Variants in MYO18B observed in about 807,000 individuals in gnomAD.
The protein encoded by MYO18B is unconventional myosin-XVIIIb.
Under a neutral mutation model 273.0 loss-of-function variants are expected in MYO18B, and 204 were observed. That is an observed-to-expected ratio of 0.75 (90% CI 0.67 to 0.84). The LOEUF is 0.84. MYO18B is among the 40% of genes least tolerant of loss of function. The pLI is 0.00. For synonymous variants in MYO18B, 1,330 were observed against 1,305.7 expected (o/e 1.02, Z -0.40); for missense variants, 3,212 against 3,287.6 (o/e 0.98, Z 0.56).
At chr22:26,023,464 C>T (rs1935981788) in intron 42 of MYO18B, among the ~76,000 whole-genome samples, 6 of 128,616 alleles carry the variant, frequency 4.7e-5, no homozygotes. Context: ...GTTTTTGGCT[C>T]ATCTTCCTCC....
chr22:25,902,522 C>T (rs909485057), intron 29 of MYO18B, 91 bp from the exon 30 acceptor site: 12 of 1,380,882 alleles, frequency 8.7e-6, no homozygotes, highest in East Asian at 5.0e-5. Flanking sequence ...GGGAAACTAG[C>T]GGCCTCTCTG....
intron 3 of MYO18B, among the ~76,000 whole-genome samples, chr22:25,764,746 G>A (rs1021990556): frequency 1.3e-5 from 2 of 152,228 alleles, no homozygotes; most frequent in Non-Finnish European, 2.9e-5. Flanking sequence ...GCAGGCTGTT[G>A]TTAGGTTATG....
At chr22:25,881,755 T>C (rs1317240948) in intron 25 of MYO18B, among the ~76,000 whole-genome samples, 7 of 152,172 alleles carry the variant, frequency 4.6e-5, no homozygotes, top group Admixed American at 4.6e-4. Flanking sequence ...AATATTCTAC[T>C]CAGCCTCTTT....
rs151143403 is a variant in MYO18B at position 25,978,316 on chromosome 22, A to G, written c.6157-14047A>G. Among the ~76,000 whole-genome samples, 210 of 152,272 alleles carry G rather than the reference A, an allele frequency of 1.4e-3. 5 individuals carry two copies. In the South Asian group the frequency reaches 0.028, roughly 20 times the overall value. On this transcript the variant is annotated intron_variant, in intron 39 of 43. Transcript: ENST00000335473. ...GGATGAGTAGAAGTTCACTTGTCAG[A>G]GAAGGGATAAGGCAGAGTAGAGCAT...
At chr22:25,893,562 AG>A (rs956050563) in intron 27 of MYO18B, among the ~76,000 whole-genome samples, 2 of 152,320 alleles carry the variant, frequency 1.3e-5, no homozygotes, top group African/African-American at 4.8e-5. Flanking sequence ...TTACTTTTGC[AG>A]TCCATGCTGC....
At chr22:25,997,719 CT>C (rs1368754749) in intron 40 of MYO18B, among the ~76,000 whole-genome samples, 3 of 152,102 alleles carry the variant, frequency 2.0e-5, no homozygotes, top group African/African-American at 7.2e-5. Flanking sequence ...TGTTGCTAGG[CT>C]GTAAATCCAC....
rs569547440 is a variant in MYO18B at position 25,940,322 on chromosome 22, A to G, written c.5518-5815A>G. 4.6e-5 allele frequency among the ~76,000 whole-genome samples: 7 copies of G among 152,196 alleles called. No individual in the cohort carries two copies. The East Asian group carries it at 1.3e-3, about 29-fold the overall frequency. On this transcript the variant is annotated intron_variant, in intron 34 of 43. Coordinates refer to ENST00000335473, the MANE Select transcript of MYO18B (RefSeq NM_032608.7). ...TTTATAAAGGGGAGTTTCCCTGCACATGCCCTCTTGATTGCACCCATGTAA... is the reference window on the plus strand; with the variant it reads ...TTTATAAAGGGGAGTTTCCCTGCACGTGCCCTCTTGATTGCACCCATGTAA...
At chr22:25,789,527 T>C (rs1203367157) in intron 11 of MYO18B, among the ~76,000 whole-genome samples, 3 of 151,538 alleles carry the variant, frequency 2.0e-5, no homozygotes, top group African/African-American at 2.4e-5. Flanking sequence ...TCCCATCTAC[T>C]TGGGAGGCTG....
intron 42 of MYO18B, among the ~76,000 whole-genome samples, chr22:26,023,332 A>G (rs1179724554): frequency 6.6e-6 from 1 of 152,090 alleles, no homozygotes; most frequent in Non-Finnish European, 1.5e-5. Context: ...AGCATCTACT[A>G]CATACTGGGC....
chr22:25,876,122 C>A, intron 23 of MYO18B, 67 bp from the exon 24 acceptor site: 1 of 1,540,782 alleles, frequency 6.5e-7, no homozygotes. Flanking sequence ...CCCTCTGCCT[C>A]CTCTCCTTCC....
the MYO18B span, among the ~76,000 whole-genome samples, chr22:26,043,532 ATGGAGTCT>A: frequency 1.8e-5 from 2 of 111,880 alleles, no homozygotes; most frequent in Non-Finnish European, 3.4e-5. Flanking sequence ...TTTTTTTGAG[ATGGAGTCT>A]TGTTCTGTTG....
At chr22:25,915,654 G>A (rs1460761191) in intron 33 of MYO18B, among the ~76,000 whole-genome samples, 1 of 152,056 alleles carries the variant, frequency 6.6e-6, no homozygotes, top group African/African-American at 2.4e-5. Flanking sequence ...AATATTATAT[G>A]TTTTTTCTGC....
At chr22:26,037,309 A>G in the MYO18B span, among the ~76,000 whole-genome samples, 1 of 152,262 alleles carries the variant, frequency 6.6e-6, no homozygotes, top group South Asian at 2.1e-4. Context: ...AGGAGACCCT[A>G]TCTTTAGAGC....
At chr22:25,788,561 C>A (rs565256344) in intron 11 of MYO18B, among the ~76,000 whole-genome samples, 1 of 152,160 alleles carries the variant, frequency 6.6e-6, no homozygotes, top group East Asian at 1.9e-4. Flanking sequence ...TGCAGTGAGG[C>A]CAGCATTCTT....
At chr22:25,988,789 A>C (rs1233081524) in intron 39 of MYO18B, among the ~76,000 whole-genome samples, 1 of 152,048 alleles carries the variant, frequency 6.6e-6, no homozygotes, top group Non-Finnish European at 1.5e-5. Flanking sequence ...CTCCTCGCAA[A>C]AGCCCTGTGA....
intron 12 of MYO18B, among the ~76,000 whole-genome samples, chr22:25,821,986 C>A (rs1192297936): frequency 6.6e-6 from 1 of 152,134 alleles, no homozygotes; most frequent in African/African-American, 2.4e-5. Context: ...ACTATGATAT[C>A]ATTTTCTAAT....
chr22:25,773,314 C>T lies in MYO18B; in HGVS notation c.1869+804C>T, dbSNP rs1601649758. Among the ~76,000 whole-genome samples, 4 of 152,202 alleles carry T rather than the reference C, an allele frequency of 2.6e-5. No individual in the cohort carries two copies. The South Asian group carries it at 8.3e-4, about 32-fold the overall frequency. On this transcript the variant is annotated intron_variant, in intron 7 of 43. Transcript: ENST00000335473. ...TGCTGTTCTAGGAAGAAAAGACAGT[C>T]CATCAACAATAAAGATAAGAGTGGC...
chr22:25,873,639 C>T (rs1220465467), intron 22 of MYO18B, among the ~76,000 whole-genome samples: 3 of 152,016 alleles, frequency 2.0e-5, no homozygotes, highest in East Asian at 1.9e-4. Flanking sequence ...GGAGTTTCTC[C>T]GTGTTGGTCA....
At chr22:26,050,006 T>G in the MYO18B span, among the ~76,000 whole-genome samples, 1 of 152,160 alleles carries the variant, frequency 6.6e-6, no homozygotes, top group Non-Finnish European at 1.5e-5. Flanking sequence ...TGATTCGGAG[T>G]CAATGCTTCA....
Sources: gnomAD v4.1 joint callset for allele counts (sites outside exome capture counted in the v4.1 genomes callset) on GRCh38, gnomAD v4.1.1 for gene constraint, MANE v1.5 for transcripts, NCBI Gene and HGNC (gene_info 2026-07-23, HGNC 2026-07-21) for gene names.